Variants in MCEMP1 observed in about 807,000 individuals in gnomAD.
The protein encoded by MCEMP1 is mast cell-expressed membrane protein 1.
MCEMP1 carries 17 observed loss-of-function variants against 27.9 expected under a neutral mutation model. That is an observed-to-expected ratio of 0.61 (90% CI 0.42 to 0.91). MCEMP1 has a LOEUF of 0.91. MCEMP1 is among the 40% of genes least tolerant of loss of function. The pLI is 0.00. For missense variants in MCEMP1, 200 were observed against 204.8 expected, an observed-to-expected ratio of 0.98 and a Z score of 0.14; for synonymous variants, 88 against 76.9, an observed-to-expected ratio of 1.14 and a Z score of -0.76.
Position 7,677,707 on chromosome 19 carries a change from T to C in MCEMP1, c.126T>C (p.His42=), listed in dbSNP as rs778579223. ...FKNQDHAKGG[H]SRPTSQVPAQ... ...ATCAGGACCATGCAAAGGGTGGTCA[T>C]TCACGACCCACGAGCCAAGGTGAGC... is the stretch of plus-strand genomic sequence containing the variant. Residue 42 remains histidine (H), a synonymous_variant, in exon 2 of 7, where the codon CAT becomes CAC. Transcript: ENST00000333598. The surrounding 1 kb of genome is among the most constrained non-coding windows in gnomAD (Gnocchi z 4.6). 1 of 1,610,224 alleles carries C rather than the reference T, an allele frequency of 6.2e-7. No homozygotes were observed. Among genetic ancestry groups the C allele is most frequent in the South Asian group, 1.1e-5 (1 of 90,604 alleles).
Position 7,678,128 on chromosome 19 carries a change from C to T in MCEMP1, c.170C>T (p.Ser57Leu). The T allele has an allele frequency of 1.2e-6, 2 of 1,611,136 alleles. No homozygotes were observed. Among genetic ancestry groups the T allele is most frequent in the East Asian group, 4.5e-5 (2 of 44,874 alleles). Residue 57 changes from serine (S) to leucine (L), a missense_variant, in exon 3 of 7, where the codon TCA becomes TTA. Ser to Leu is a moderately radical substitution (Grantham distance 145, BLOSUM62 -2). Transcript: ENST00000333598. The surrounding 1 kb of genome is among the most constrained non-coding windows in gnomAD (Gnocchi z 4.8). ...GTCCCAGCCCAGTGCAGGCCGCCCT[C>T]AGACTCCACCCAGGTCCCCTGCTGG... ...SQVPAQCRPP[S>L]DSTQVPCWLY... is the part of the protein sequence containing the mutation.
chr19:7,678,609 C>T lies in MCEMP1; in HGVS notation c.448+5C>T. The T allele has an allele frequency of 6.2e-7, 1 of 1,608,922 alleles. No homozygotes were observed. The highest frequency in any genetic ancestry group is 1.3e-5 in the African/African-American group (1 of 74,922). On this transcript the variant is annotated splice_donor_5th_base_variant and intron_variant, in intron 5 of 6. Transcript: ENST00000333598. The surrounding 1 kb of genome is among the most constrained non-coding windows in gnomAD (Gnocchi z 4.8). ...GATTAGAGACGACATTAGCAGGTGC[C>T]TGTGTAGTCTCGCCTTCTATGGGGG... is the stretch of plus-strand genomic sequence containing the variant.
Position 7,678,410 on chromosome 19 carries a change from G to C in MCEMP1, c.334+10G>C, listed in dbSNP as rs1168642758. The C allele has an allele frequency of 1.2e-6, 2 of 1,613,982 alleles. No homozygotes were observed. The highest frequency in any genetic ancestry group is 1.7e-6 in the Non-Finnish European group (2 of 1,180,014). ...AGGGAGCTTTGGAATGGTGAGCGGAGGGTCTGAGGGAGACCCGTGGGGTCA... is the reference window on the plus strand; with the variant it reads ...AGGGAGCTTTGGAATGGTGAGCGGACGGTCTGAGGGAGACCCGTGGGGTCA... On this transcript the variant is annotated intron_variant, in intron 4 of 6. Transcript: ENST00000333598. The surrounding 1 kb of genome is among the most constrained non-coding windows in gnomAD (Gnocchi z 4.8).
chr19:7,678,049 G>T lies in MCEMP1; in HGVS notation c.146-55G>T. 6.5e-7 allele frequency: 1 copy of T among 1,538,594 alleles called. No homozygotes were observed. Among genetic ancestry groups the T allele is most frequent in the Non-Finnish European group, 8.7e-7 (1 of 1,146,120 alleles). The stretch of plus-strand genomic sequence containing the variant: ...CCATGGTGTTAGAGACAGTGAGGAT[G>T]GTTTGAGTGGTGGTGCTGGCCCCTC... On this transcript the variant is annotated intron_variant, in intron 2 of 6. Transcript: ENST00000333598. The surrounding 1 kb of genome is among the most constrained non-coding windows in gnomAD (Gnocchi z 4.8).
Position 7,677,194 on chromosome 19 carries a change from G to A in MCEMP1, c.55+19G>A. The A allele has an allele frequency of 6.4e-7, 1 of 1,563,226 alleles. No homozygotes were observed. The highest frequency in any genetic ancestry group is 1.2e-5 in the South Asian group (1 of 85,406). On this transcript the variant is annotated intron_variant, in intron 1 of 6. Coordinates refer to ENST00000333598, the MANE Select transcript of MCEMP1 (RefSeq NM_174918.3). The surrounding 1 kb of genome is among the most constrained non-coding windows in gnomAD (Gnocchi z 4.6). ...AATCAAGGTTAGGGAACTCGAGGTG[G>A]AAGGGAGGGGTTAAGAAGGAGAGAT...
Position 7,679,190 on chromosome 19 carries a change from C to G in MCEMP1, c.*76C>G. ...ACCTGCCAACGAAGACGGGAAATGA[C>G]CCCCCCCCCCCAGCCTAGTGTGAAC... On this transcript the variant is annotated 3_prime_UTR_variant, in exon 7 of 7. Coordinates refer to ENST00000333598, the MANE Select transcript of MCEMP1 (RefSeq NM_174918.3). This position sits in a 1 kb window ranked among gnomAD's most constrained non-coding sequence, Gnocchi z 4.9. The G allele has an allele frequency of 1.0e-3, 4 of 3,998 alleles. No individual in the cohort carries two copies. The highest frequency in any genetic ancestry group is 6.8e-3 in the South Asian group (1 of 148). The allele number at this position is 3,998 out of a possible 1,614,324, so 0.2% of individuals were successfully genotyped here.
Position 7,678,471 on chromosome 19 carries a change from C to A in MCEMP1, c.335-20C>A. ...CTGGAGAGGGATGGATGCACAGACA[C>A]CCCTGTTTCATGCCCTCAGTCTCAA... On this transcript the variant is annotated intron_variant, in intron 4 of 6. Transcript: ENST00000333598. This position sits in a 1 kb window ranked among gnomAD's most constrained non-coding sequence, Gnocchi z 4.8. 1 of 1,613,188 alleles carries A rather than the reference C, an allele frequency of 6.2e-7. No individual in the cohort carries two copies. The highest frequency in any genetic ancestry group is 8.5e-7 in the Non-Finnish European group (1 of 1,179,220).
rs1568480773 is a variant in MCEMP1, at chr19:7,677,690, C to T, written c.109C>T (p.His37Tyr). The change falls in exon 2 of 7, where the codon CAT becomes TAT. Residue 37 changes from histidine (H) to tyrosine (Y), a missense_variant. His to Tyr is a moderately conservative substitution (Grantham distance 83). Transcript: ENST00000333598. This position sits in a 1 kb window ranked among gnomAD's most constrained non-coding sequence, Gnocchi z 4.6. ...NITLAFKNQDHAKGGHSRPTS... is the reference protein window; with the variant it reads ...NITLAFKNQDYAKGGHSRPTS... ...CACCTTGGCCTTCAAAAATCAGGAC[C>T]ATGCAAAGGGTGGTCATTCACGACC... The T allele has an allele frequency of 6.2e-7, 1 of 1,613,072 alleles. No individual in the cohort carries two copies. Among genetic ancestry groups the T allele is most frequent in the South Asian group, 1.1e-5 (1 of 90,958 alleles).
rs148364602 is a variant in MCEMP1, at chr19:7,678,944, A to G, written c.469A>G (p.Lys157Glu). 485 of 1,590,128 alleles carry G rather than the reference A, an allele frequency of 3.1e-4. 2 individuals are homozygous for G. The African/African-American group carries it at 5.2e-3, about 17-fold the overall frequency. ...CCTAGGCATAAAAAACATTGACACA[A>G]AGGTACAGAAAATCTTGGAGGTGCT... is the stretch of plus-strand genomic sequence containing the variant. ...TLAGIKNIDT[K>E]VQKILEVLQK... The change falls in exon 6 of 7, where the codon AAG becomes GAG. Residue 157 changes from lysine (K) to glutamate (E), a missense_variant. Physicochemically the swap from Lys to Glu is moderately conservative, Grantham distance 56. Coordinates refer to ENST00000333598, the MANE Select transcript of MCEMP1 (RefSeq NM_174918.3). The surrounding 1 kb of genome is among the most constrained non-coding windows in gnomAD (Gnocchi z 4.8).
chr19:7,678,917 C>T lies in MCEMP1; in HGVS notation c.449-7C>T, dbSNP rs762102923. 4 of 1,543,492 alleles carry T rather than the reference C, an allele frequency of 2.6e-6. No homozygotes were observed. Among genetic ancestry groups the T allele is most frequent in the African/African-American group, 2.7e-5 (2 of 73,186 alleles). On this transcript the variant is annotated splice_polypyrimidine_tract_variant and splice_region_variant and intron_variant, in intron 5 of 6. Transcript: ENST00000333598. The surrounding 1 kb of genome is among the most constrained non-coding windows in gnomAD (Gnocchi z 4.8). ...TCTGTTCCCACCCAACCCTCCCCGCCCCCTAGGCATAAAAAACATTGACAC... is the reference window on the plus strand; with the variant it reads ...TCTGTTCCCACCCAACCCTCCCCGCTCCCTAGGCATAAAAAACATTGACAC...
At position 7,678,553 on chromosome 19, in the gene MCEMP1, A is replaced by G. The variant is rs138132511; in HGVS notation, c.397A>G (p.Ser133Gly). 1.1e-4 allele frequency: 180 copies of G among 1,614,148 alleles called. No individual in the cohort carries two copies. The highest frequency in any genetic ancestry group is 1.4e-4 in the Non-Finnish European group (170 of 1,180,036). The change falls in exon 5 of 7, where the codon AGC (serine) becomes GGC (glycine). Residue 133 changes from serine to glycine, a missense_variant. Ser to Gly is a moderately conservative substitution (Grantham distance 56). Transcript: ENST00000333598. This position sits in a 1 kb window ranked among gnomAD's most constrained non-coding sequence, Gnocchi z 4.8. Reference protein sequence around the residue: ...QKRGWDSVQQSITMVRSKIDR... With the variant: ...QKRGWDSVQQGITMVRSKIDR... ...GAGAGGCTGGGATTCCGTTCAGCAG[A>G]GCATCACCATGGTCAGGAGCAAGAT...
chr19:7,677,585 G>A lies in MCEMP1; in HGVS notation c.56-52G>A, dbSNP rs370826234. The A allele has an allele frequency of 2.2e-5, 33 of 1,506,504 alleles. No homozygotes were observed. Among genetic ancestry groups the A allele is most frequent in the Admixed American group, 1.7e-4 (10 of 59,770 alleles). The allele number at this position is 1,506,504 out of a possible 1,614,324, so 93.3% of individuals were successfully genotyped here. ...AAAGGGTTGGGTAAAACAAGATCCCGGATCCACTCTCCACACCACAGAGCT... is the reference window on the plus strand; with the variant it reads ...AAAGGGTTGGGTAAAACAAGATCCCAGATCCACTCTCCACACCACAGAGCT... On this transcript the variant is annotated intron_variant, in intron 1 of 6. Transcript: ENST00000333598. The surrounding 1 kb of genome is among the most constrained non-coding windows in gnomAD (Gnocchi z 4.6).
Position 7,679,523 on chromosome 19 carries a change from T to C in MCEMP1, c.*409T>C, listed in dbSNP as rs577376064. Reference sequence around the variant, plus strand: ...GCTGTGTCTGAGCACCTCCAGCAGATGTCACTCTGAGTGTGGGTGTTGGTG... The same window carrying C: ...GCTGTGTCTGAGCACCTCCAGCAGACGTCACTCTGAGTGTGGGTGTTGGTG... On this transcript the variant is annotated 3_prime_UTR_variant, in exon 7 of 7. Coordinates refer to ENST00000333598, the MANE Select transcript of MCEMP1 (RefSeq NM_174918.3). The surrounding 1 kb of genome is among the most constrained non-coding windows in gnomAD (Gnocchi z 4.9). 2.3e-5 allele frequency: 5 copies of C among 212,926 alleles called. No homozygotes were observed. The highest frequency in any genetic ancestry group is 9.2e-5 in the African/African-American group (4 of 43,286). The allele number at this position is 212,926 out of a possible 1,614,324, so 13.2% of individuals were successfully genotyped here. A position where few individuals can be genotyped will look rare whatever the true frequency, so the allele number is the denominator to read the frequency against.
Position 7,678,852 on chromosome 19 carries a change from G to C in MCEMP1, c.449-72G>C, listed in dbSNP as rs2032584135. The stretch of plus-strand genomic sequence containing the variant: ...GGGCAGGGGGGGTGCTTCCAAGGAA[G>C]GTGGGGGCTTTGTTTGAGGCTCCAC... On this transcript the variant is annotated intron_variant, in intron 5 of 6. Coordinates refer to ENST00000333598, the MANE Select transcript of MCEMP1 (RefSeq NM_174918.3). This position sits in a 1 kb window ranked among gnomAD's most constrained non-coding sequence, Gnocchi z 4.8. 7.0e-7 allele frequency: 1 copy of C among 1,428,314 alleles called. No individual in the cohort carries two copies. Among genetic ancestry groups the C allele is most frequent in the Non-Finnish European group, 9.6e-7 (1 of 1,045,704 alleles). The allele number at this position is 1,428,314 out of a possible 1,614,324, so 88.5% of individuals were successfully genotyped here.
In MCEMP1 at chr19:7,679,147, C is replaced by A; in HGVS notation, c.*33C>A. The A allele has an allele frequency of 6.4e-7, 1 of 1,570,704 alleles. No homozygotes were observed. The highest frequency in any genetic ancestry group is 8.7e-7 in the Non-Finnish European group (1 of 1,155,670). On this transcript the variant is annotated 3_prime_UTR_variant, in exon 7 of 7. Transcript: ENST00000333598. This position sits in a 1 kb window ranked among gnomAD's most constrained non-coding sequence, Gnocchi z 4.9. The stretch of plus-strand genomic sequence containing the variant: ...GACATTGTGGCAGCCAAAGCCACAA[C>A]TTGGAAGATGGGGCTGCACCTGCCA...
rs2032571974 is a variant in MCEMP1, at chr19:7,677,998, T to C, written c.146-106T>C. The C allele has an allele frequency of 4.8e-6, 7 of 1,463,162 alleles. No individual in the cohort carries two copies. Among genetic ancestry groups the C allele is most frequent in the East Asian group, 2.3e-5 (1 of 43,774 alleles). The allele number at this position is 1,463,162 out of a possible 1,614,324, so 90.6% of individuals were successfully genotyped here. A position where few individuals can be genotyped will look rare whatever the true frequency, so the allele number is the denominator to read the frequency against. On this transcript the variant is annotated intron_variant, in intron 2 of 6. Transcript: ENST00000333598. This position sits in a 1 kb window ranked among gnomAD's most constrained non-coding sequence, Gnocchi z 4.6. ...TGACAAGCTGCATGACCACAGCTGC[T>C]GATGGTTTTGAGAGGAGCGAGGTGT...
In MCEMP1 at chr19:7,677,965, G is replaced by C. The variant is rs2032571659; in HGVS notation, c.146-139G>C. Reference sequence around the variant, plus strand: ...GGTGGCTGGTGGTGGCAGTGTTGTTGACGATGATGACAAGCTGCATGACCA... The same window carrying C: ...GGTGGCTGGTGGTGGCAGTGTTGTTCACGATGATGACAAGCTGCATGACCA... On this transcript the variant is annotated intron_variant, in intron 2 of 6. Transcript: ENST00000333598. The surrounding 1 kb of genome is among the most constrained non-coding windows in gnomAD (Gnocchi z 4.6). 7.5e-7 allele frequency: 1 copy of C among 1,342,102 alleles called. No individual in the cohort carries two copies. The highest frequency in any genetic ancestry group is 1.5e-5 in the African/African-American group (1 of 68,118). The allele number at this position is 1,342,102 out of a possible 1,614,324, so 83.1% of individuals were successfully genotyped here. A position where few individuals can be genotyped will look rare whatever the true frequency, so the allele number is the denominator to read the frequency against.
In MCEMP1 at chr19:7,677,708, T is replaced by C; in HGVS notation, c.127T>C (p.Ser43Pro). 6.2e-7 allele frequency: 1 copy of C among 1,609,874 alleles called. No individual in the cohort carries two copies. Residue 43 changes from serine (S) to proline (P), a missense_variant, in exon 2 of 7, where the codon TCA becomes CCA. Coordinates refer to ENST00000333598, the MANE Select transcript of MCEMP1 (RefSeq NM_174918.3). This position sits in a 1 kb window ranked among gnomAD's most constrained non-coding sequence, Gnocchi z 4.6. Reference protein sequence around the residue: ...KNQDHAKGGHSRPTSQVPAQC... With the variant: ...KNQDHAKGGHPRPTSQVPAQC... Reference sequence around the variant, plus strand: ...TCAGGACCATGCAAAGGGTGGTCATTCACGACCCACGAGCCAAGGTGAGCA... The same window carrying C: ...TCAGGACCATGCAAAGGGTGGTCATCCACGACCCACGAGCCAAGGTGAGCA...
chr19:7,677,226 G>C lies in MCEMP1; in HGVS notation c.55+51G>C, dbSNP rs1490652444. ...GGGGTTAAGAAGGAGAGATTGGGGG[G>C]CCGGGGGCTTTTGCTCATGTCTGTA... On this transcript the variant is annotated intron_variant, in intron 1 of 6. Coordinates refer to ENST00000333598, the MANE Select transcript of MCEMP1 (RefSeq NM_174918.3). The surrounding 1 kb of genome is among the most constrained non-coding windows in gnomAD (Gnocchi z 4.6). The C allele has an allele frequency of 3.2e-5, 48 of 1,491,970 alleles. No homozygotes were observed. The highest frequency in any genetic ancestry group is 4.3e-5 in the Non-Finnish European group (47 of 1,093,476). 92.4% of individuals were successfully genotyped at this position (1,491,970 alleles called of 1,614,324 possible).
Sources: gnomAD v4.1 joint callset for allele counts on GRCh38, gnomAD v4.1.1 for gene constraint, Gnocchi (gnomAD v3.1) non-coding constraint, MANE v1.5 for transcripts, NCBI Gene and HGNC (gene_info 2026-07-23, HGNC 2026-07-21) for gene names.